PECAM1: variants seen among roughly 807,000 people sequenced by gnomAD.
PECAM1 encodes platelet endothelial cell adhesion molecule.
A neutral mutation model predicts 13.8 loss-of-function variants in PECAM1; 8 were observed. The ratio of observed to expected loss-of-function variants is 0.58; its 90% CI spans 0.34 to 1.05. The LOEUF is 1.05. Ranked by LOEUF, PECAM1 falls within the 50% of genes least tolerant of loss-of-function variation. The pLI is 0.03. For missense variants in PECAM1, 304 were observed against 141.2 expected (o/e 2.15, Z -5.84); for synonymous variants, 136 against 52.6 (o/e 2.58, Z -6.86).
chr17:64,376,569 C>G (rs7224431), intron 3 of PECAM1, among the ~76,000 whole-genome samples: 121,121 of 152,106 alleles, frequency 0.8, 54,372 homozygotes, highest in East Asian at 1. Flanking sequence ...CTATGAGCCA[C>G]ATTCATTGTT....
At chr17:64,340,217 A>G (rs1167130733) in intron 14 of PECAM1, among the ~76,000 whole-genome samples, 3 of 152,178 alleles carry the variant, frequency 2.0e-5, no homozygotes, top group Non-Finnish European at 4.4e-5. Flanking sequence ...GAAACATCTG[A>G]AGCTGGCTAA....
rs200390585 is a variant in PECAM1 at position 64,355,266 on chromosome 17, G to A, written c.1781-226C>T. Among the ~76,000 whole-genome samples the A allele has an allele frequency of 1.2e-3, 183 of 152,218 alleles. 2 individuals carry two copies. Among genetic ancestry groups the A allele is most frequent in the African/African-American group, 4.1e-3 (169 of 41,536 alleles). On this transcript the variant is annotated intron_variant, in intron 8 of 15. Coordinates refer to ENST00000563924, the MANE Select transcript of PECAM1 (RefSeq NM_000442.5). The stretch of plus-strand genomic sequence containing the variant: ...GAGGTCAGCTGTGGTCCTCAAGGAG[G>A]GAACAAACCAGCTTTGCTGGGGTAG...
chr17:64,330,612 G>T (rs1398207153), intron 14 of PECAM1, among the ~76,000 whole-genome samples: 1 of 150,442 alleles, frequency 6.6e-6, no homozygotes, highest in Non-Finnish European at 1.5e-5. Flanking sequence ...CTCCAGCCTG[G>T]GCGACACAGC....
chr17:64,375,216 T>A lies in PECAM1; in HGVS notation c.526A>T (p.Lys176Ter). 2.1e-6 allele frequency: 1 copy of A among 475,432 alleles called. No homozygotes were observed. Among genetic ancestry groups the A allele is most frequent in the Non-Finnish European group, 3.9e-6 (1 of 259,064 alleles). 29.5% of individuals were successfully genotyped at this position (475,432 alleles called of 1,614,324 possible). A position where few individuals can be genotyped will look rare whatever the true frequency, so the allele number is the denominator to read the frequency against. The change falls in exon 4 of 16, where the codon AAG (lysine) becomes TAG (stop). Residue 176 changes from lysine (K) to a stop codon, truncating the protein, a stop_gained. Coordinates refer to ENST00000563924, the MANE Select transcript of PECAM1 (RefSeq NM_000442.5). LOFTEE classifies it high-confidence loss of function. Reference sequence around the variant, plus strand: ...CGAGAATTCTTCTCTCTTTTCAGCTTGACCATTTTTTCATTTAGTTCAAGT... The same window carrying A: ...CGAGAATTCTTCTCTCTTTTCAGCTAGACCATTTTTTCATTTAGTTCAAGT... ...EKLELNEKMV[K>*]LKREKNSRDQ...
chr17:64,375,579 GGAGGCT>G (rs1214271964), intron 3 of PECAM1, among the ~76,000 whole-genome samples: 3 of 152,096 alleles, frequency 2.0e-5, no homozygotes, highest in Non-Finnish European at 4.4e-5. Context: ...TATAAAATCT[GGAGGCT>G]GAGGTGGGTG....
At chr17:64,366,942 T>G (rs1365332727) in intron 5 of PECAM1, among the ~76,000 whole-genome samples, 2 of 148,202 alleles carry the variant, frequency 1.3e-5, no homozygotes, top group African/African-American at 2.5e-5. Context: ...ACCTGCACAT[T>G]GTGCACATGT....
In PECAM1 at chr17:64,327,285, G is replaced by A. The variant is rs566434026; in HGVS notation, c.2187+2415C>T. Among the ~76,000 whole-genome samples, 5 of 152,338 alleles carry A rather than the reference G, an allele frequency of 3.3e-5. No homozygotes were observed. The East Asian group carries it at 5.8e-4, about 18-fold the overall frequency. ...GAGATCAACCAGCTTTTATATGGTG[G>A]TTTGCAGCTTGCAGCTTTTATATGG... On this transcript the variant is annotated intron_variant, in intron 15 of 15. Coordinates refer to ENST00000563924, the MANE Select transcript of PECAM1 (RefSeq NM_000442.5).
At chr17:64,374,986 GTTCTTTCTCCCCATACCA>G (rs1321414418) in intron 4 of PECAM1, 47 bp downstream of exon 4, 9 of 448,192 alleles carry the variant, frequency 2.0e-5, no homozygotes, top group African/African-American at 1.8e-4. Context: ...CCAGTTCTGG[GTTCTTTCTCCCCATACCA>G]AACCAGAAAC....
intron 12 of PECAM1, among the ~76,000 whole-genome samples, chr17:64,349,151 G>A (rs1240685595): frequency 1.3e-5 from 2 of 152,164 alleles, no homozygotes; most frequent in African/African-American, 2.4e-5. Context: ...AGGCATACAC[G>A]TGAATGAAAT....
rs1384237450 is a variant in PECAM1 at position 64,361,127 on chromosome 17, A to ATGTGTGTGTGTGTG, written c.1217-713_1217-712insCACACACACACACA. 2.6e-3 allele frequency among the ~76,000 whole-genome samples: 124 copies of ATGTGTGTGTGTGTG among 47,002 alleles called. 1 individual carries two copies. The highest frequency in any genetic ancestry group is 5.9e-3 in the African/African-American group (118 of 20,130). 30.8% of individuals were successfully genotyped at this position (47,002 alleles called of 152,430 possible). A position where few individuals can be genotyped will look rare whatever the true frequency, so the allele number is the denominator to read the frequency against. On this transcript the variant is annotated intron_variant, in intron 6 of 15. Coordinates refer to ENST00000563924, the MANE Select transcript of PECAM1 (RefSeq NM_000442.5). ...TGAGCCACCACACCTGGCTGAGCAT[A>ATGTGTGTGTGTGTG]TATGTGTGTGTGTGTGTGTGTGTGT...
At position 64,322,976 on chromosome 17, in the gene PECAM1, G is replaced by A. The variant is rs868960387; in HGVS notation, c.*840C>T. Reference sequence around the variant, plus strand: ...CCCACCTCAGCCTCCTGAAGTGCTGGGATTACAGGCGTGAGCCACCTTGCC... The same window carrying A: ...CCCACCTCAGCCTCCTGAAGTGCTGAGATTACAGGCGTGAGCCACCTTGCC... On this transcript the variant is annotated 3_prime_UTR_variant, in exon 16 of 16. Transcript: ENST00000563924. 1 of 872,052 alleles carries A rather than the reference G, an allele frequency of 1.1e-6. No individual in the cohort carries two copies. The highest frequency in any genetic ancestry group is 1.2e-4 in the East Asian group (1 of 8,290). 54.0% of individuals were successfully genotyped at this position (872,052 alleles called of 1,614,324 possible). A position where few individuals can be genotyped will look rare whatever the true frequency, so the allele number is the denominator to read the frequency against.
intron 5 of PECAM1, among the ~76,000 whole-genome samples, chr17:64,368,363 T>A (rs1455999409): frequency 6.6e-6 from 1 of 152,128 alleles, no homozygotes; most frequent in Non-Finnish European, 1.5e-5. Context: ...TAAGGAGGGT[T>A]AGGAGTCTGA....
intron 2 of PECAM1, among the ~76,000 whole-genome samples, chr17:64,385,378 C>T (rs2036570876): frequency 6.6e-6 from 1 of 152,128 alleles, no homozygotes; most frequent in South Asian, 2.1e-4. Context: ...GCCCCCTGGC[C>T]CTCAACCTGG....
chr17:64,370,479 A>C (rs2036215599), intron 4 of PECAM1: 1 of 152,660 alleles, frequency 6.6e-6, no homozygotes. Context: ...AAATAATCGC[A>C]TGCCTCCAAA....
intron 11 of PECAM1, among the ~76,000 whole-genome samples, chr17:64,352,028 T>G (rs949497494): frequency 1.4e-4 from 22 of 152,334 alleles, no homozygotes; most frequent in African/African-American, 5.3e-4. Flanking sequence ...TTGTAATAAT[T>G]CCATCTGAGA....
chr17:64,390,053 A>G, intron 2 of PECAM1: 3 of 156,598 alleles, frequency 1.9e-5, no homozygotes, highest in Non-Finnish European at 2.8e-5. Context: ...CAAAAAAAAA[A>G]GGAAAAAAAA....
chr17:64,360,161 C>G lies in PECAM1; in HGVS notation c.1471G>C (p.Val491Leu). The G allele has an allele frequency of 2.1e-6, 1 of 475,406 alleles. No homozygotes were observed. The highest frequency in any genetic ancestry group is 6.7e-5 in the South Asian group (1 of 14,878). The allele number at this position is 475,406 out of a possible 1,614,324, so 29.4% of individuals were successfully genotyped here. The change falls in exon 7 of 16, where the codon GTT becomes CTT. Residue 491 changes from valine to leucine, a missense_variant. By Grantham distance (32) the Val-to-Leu change is conservative. Transcript: ENST00000563924. ...TTACCTATCACCTTCACCCTCAGAA[C>G]CTCACTTAACATTTTGGCATGGGAA... ...CHSHAKMLSEVLRVKVIAPVD... is the reference protein window; with the variant it reads ...CHSHAKMLSELLRVKVIAPVD...
chr17:64,337,709 G>A (rs2035317539), intron 14 of PECAM1, among the ~76,000 whole-genome samples: 2 of 151,992 alleles, frequency 1.3e-5, no homozygotes, highest in South Asian at 2.1e-4. Context: ...CCAACAGCCC[G>A]GACTGAGTAA....
intron 2 of PECAM1, among the ~76,000 whole-genome samples, chr17:64,382,698 G>A (rs1259572700): frequency 1.3e-5 from 2 of 151,228 alleles, no homozygotes; most frequent in Non-Finnish European, 2.9e-5. Flanking sequence ...TTAAAGCTGT[G>A]TCTCCACTAC....
Sources: allele counts gnomAD v4.1 joint callset (sites outside exome capture counted in the v4.1 genomes callset), GRCh38; gene constraint gnomAD v4.1.1; transcripts MANE v1.5; gene names NCBI Gene and HGNC (gene_info 2026-07-23, HGNC 2026-07-21).